The following LRRC4C variants were observed in gnomAD, a reference collection of about 807,000 sequenced individuals.
The protein encoded by LRRC4C is leucine-rich repeat-containing protein 4C.
A neutral mutation model predicts 33.6 loss-of-function variants in LRRC4C; 5 were observed. The observed-to-expected ratio is 0.15, with a 90% confidence interval of 0.08 to 0.31. The LOEUF (loss-of-function observed/expected upper bound fraction) is 0.31, where lower values mean the gene tolerates loss of function less well. Among genes scored for constraint, LRRC4C ranks in the 10% least tolerant of loss-of-function variants. LRRC4C has a pLI of 1.00. For synonymous variants in LRRC4C, 329 were observed against 302.0 expected (o/e 1.09, Z -0.93); for missense variants, 560 against 796.7 (o/e 0.70, Z 3.58).
chr11:41,413,599 G>A (rs1231091035), intron 1 of LRRC4C, among the ~76,000 whole-genome samples: 6 of 152,128 alleles, frequency 3.9e-5, no homozygotes, highest in Admixed American at 3.9e-4. Context: ...GTCCATCCAT[G>A]TTTCAGCCAT....
chr11:41,047,483 A>G (rs753838298), intron 1 of LRRC4C, among the ~76,000 whole-genome samples: 7 of 152,196 alleles, frequency 4.6e-5, no homozygotes, highest in Non-Finnish European at 1.0e-4. Flanking sequence ...GATAATGGTG[A>G]TAGTTGCACA....
chr11:40,278,582 A>G (rs1278522579), intron 4 of LRRC4C, among the ~76,000 whole-genome samples: 4 of 152,218 alleles, frequency 2.6e-5, no homozygotes, highest in Non-Finnish European at 4.4e-5. Context: ...AATTGCATGA[A>G]TGCAGATGAA....
intron 3 of LRRC4C, among the ~76,000 whole-genome samples, chr11:40,383,002 C>T (rs769496102): frequency 1.3e-5 from 2 of 152,080 alleles, no homozygotes; most frequent in Non-Finnish European, 2.9e-5. Context: ...CAACATTGTA[C>T]TCTTTGACTA....
intron 1 of LRRC4C, among the ~76,000 whole-genome samples, chr11:41,201,761 G>A (rs78126749): frequency 6.6e-5 from 10 of 152,016 alleles, no homozygotes; most frequent in East Asian, 1.9e-4. Context: ...TTTAGCATTG[G>A]CATTTTTTTG....
At chr11:40,352,116 TTCCTTCCTTCCTTCCTTC>T (rs1565303411) in intron 3 of LRRC4C, among the ~76,000 whole-genome samples, 58 of 66,864 alleles carry the variant, frequency 8.7e-4, no homozygotes, top group Admixed American at 2.8e-3. Flanking sequence ...TCTTTCTTCC[TTCCTTCCTTCCTTCCTTC>T]CTTCCTTCCT....
intron 5 of LRRC4C, among the ~76,000 whole-genome samples, chr11:40,171,539 T>G (rs1860044143): frequency 1.3e-5 from 2 of 152,176 alleles, no homozygotes; most frequent in African/African-American, 4.8e-5. Flanking sequence ...AAAATTTTCA[T>G]GTGTTATTGA....
intron 1 of LRRC4C, among the ~76,000 whole-genome samples, chr11:41,027,289 G>A (rs935718145): frequency 2.6e-5 from 4 of 151,682 alleles, no homozygotes; most frequent in African/African-American, 9.7e-5. Context: ...AGCAAAGCAA[G>A]CTTGTATTAG....
intron 3 of LRRC4C, among the ~76,000 whole-genome samples, chr11:40,459,318 T>G (rs570540698): frequency 7.2e-5 from 11 of 152,170 alleles, no homozygotes; most frequent in Non-Finnish European, 1.0e-4. Flanking sequence ...ACCACTTTCA[T>G]TGGCACTCAT....
chr11:40,336,417 C>G (rs1382893976), intron 3 of LRRC4C, among the ~76,000 whole-genome samples: 1 of 152,108 alleles, frequency 6.6e-6, no homozygotes, highest in African/African-American at 2.4e-5. Flanking sequence ...TATGAAGACG[C>G]CTGGACAAAC....
chr11:40,510,757 C>T (rs771081522), intron 3 of LRRC4C, among the ~76,000 whole-genome samples: 2 of 152,036 alleles, frequency 1.3e-5, no homozygotes, highest in Non-Finnish European at 2.9e-5. Flanking sequence ...ATGGGAAAAC[C>T]ATTGCAGGAC....
chr11:41,182,279 G>T (rs537354963), intron 1 of LRRC4C, among the ~76,000 whole-genome samples: 4 of 152,144 alleles, frequency 2.6e-5, no homozygotes, highest in Admixed American at 6.6e-5. Context: ...GTTCACTCAT[G>T]TGATTGTACA....
At chr11:40,717,392 C>T (rs757031144) in intron 2 of LRRC4C, among the ~76,000 whole-genome samples, 1 of 151,596 alleles carries the variant, frequency 6.6e-6, no homozygotes, top group Non-Finnish European at 1.5e-5. Flanking sequence ...TTTTGAAATC[C>T]CAGAGCTTCA....
At chr11:41,058,424 T>C (rs1858802578) in intron 1 of LRRC4C, among the ~76,000 whole-genome samples, 1 of 152,186 alleles carries the variant, frequency 6.6e-6, no homozygotes, top group African/African-American at 2.4e-5. Flanking sequence ...CCCTTACTGT[T>C]CCATGCCTGA....
intron 1 of LRRC4C, among the ~76,000 whole-genome samples, chr11:40,991,936 A>C (rs1011004586): frequency 6.6e-6 from 1 of 152,134 alleles, no homozygotes; most frequent in Non-Finnish European, 1.5e-5. Flanking sequence ...TGTGCAACCC[A>C]GTTCCTAAGA....
intron 1 of LRRC4C, among the ~76,000 whole-genome samples, chr11:41,084,262 TG>T (rs1447601782): frequency 1.3e-5 from 2 of 152,272 alleles, no homozygotes; most frequent in Admixed American, 1.3e-4. Context: ...AAGAGAGAGC[TG>T]GTTTCAAATG....
intron 1 of LRRC4C, among the ~76,000 whole-genome samples, chr11:41,274,915 T>A (rs1949434664): frequency 6.6e-6 from 1 of 152,054 alleles, no homozygotes; most frequent in African/African-American, 2.4e-5. Flanking sequence ...CATGTGGAAA[T>A]GTGATTCCCA....
intron 1 of LRRC4C, among the ~76,000 whole-genome samples, chr11:40,988,615 C>T (rs898915517): frequency 4.6e-5 from 7 of 151,906 alleles, no homozygotes; most frequent in African/African-American, 4.8e-5. Context: ...TTGGTTGAAT[C>T]CCCTATGATC....
intron 5 of LRRC4C, among the ~76,000 whole-genome samples, chr11:40,181,108 T>G (rs1860960902): frequency 6.6e-6 from 1 of 152,150 alleles, no homozygotes; most frequent in African/African-American, 2.4e-5. Context: ...TCTCTGTGCC[T>G]CAAACTAAGA....
intron 2 of LRRC4C, among the ~76,000 whole-genome samples, chr11:40,830,133 C>T (rs1453031551): frequency 6.6e-6 from 1 of 151,720 alleles, no homozygotes; most frequent in East Asian, 1.9e-4. Context: ...ATGATGTGAC[C>T]AAAACACCAA....
Sources: allele counts gnomAD v4.1 joint callset (sites outside exome capture counted in the v4.1 genomes callset), GRCh38; gene constraint gnomAD v4.1.1; transcripts MANE v1.5; gene names NCBI Gene and HGNC (gene_info 2026-07-23, HGNC 2026-07-21).